NRG3: variants seen among roughly 807,000 people sequenced by gnomAD.
The protein encoded by NRG3 is pro-neuregulin-3, membrane-bound isoform.
Under a neutral mutation model 66.9 loss-of-function variants are expected in NRG3, and 31 were observed. The observed-to-expected ratio is 0.46, with a 90% CI of 0.35 to 0.63. The LOEUF (loss-of-function observed/expected upper bound fraction) is 0.63, where lower values mean the gene tolerates loss of function less well. NRG3 is among the 20% of genes least tolerant of loss of function. The probability of loss-of-function intolerance (pLI) is 0.00; values close to 1 mark genes in which losing one functional copy is unlikely to be tolerated. For missense variants in NRG3, 910 were observed against 878.9 expected, an observed-to-expected ratio of 1.04 and a Z score of -0.45; for synonymous variants, 393 against 359.4, an observed-to-expected ratio of 1.09 and a Z score of -1.06.
chr10:82,434,291 T>C (rs2136355527), intron 2 of NRG3, among the ~76,000 whole-genome samples: 1 of 152,256 alleles, frequency 6.6e-6, no homozygotes, highest in East Asian at 1.9e-4. Flanking sequence ...TTTTTGCACA[T>C]TGATTTTGTA....
intron 1 of NRG3, among the ~76,000 whole-genome samples, chr10:82,199,256 A>G (rs2133452127): frequency 6.6e-6 from 1 of 152,220 alleles, no homozygotes; most frequent in South Asian, 2.1e-4. Context: ...TCATTAATCA[A>G]TTTGTTCATT....
intron 1 of NRG3, among the ~76,000 whole-genome samples, chr10:82,205,646 C>A (rs1179509414): frequency 6.6e-6 from 1 of 152,088 alleles, no homozygotes; most frequent in Non-Finnish European, 1.5e-5. Flanking sequence ...ACAGTCTTCA[C>A]CAATAGTGGA....
intron 3 of NRG3, among the ~76,000 whole-genome samples, chr10:82,864,155 G>T (rs1293374576): frequency 6.6e-6 from 1 of 151,866 alleles, no homozygotes; most frequent in East Asian, 1.9e-4. Context: ...GGTGATGGAA[G>T]AATTTGGAAA....
intron 8 of NRG3, chr10:82,984,811 C>G (rs927653991): frequency 6.5e-7 from 1 of 1,549,506 alleles, no homozygotes; most frequent in Non-Finnish European, 8.7e-7. Context: ...TATATCCCAC[C>G]TGCCTATACA....
intron 1 of NRG3, among the ~76,000 whole-genome samples, chr10:82,132,500 T>TG (rs1564593582): frequency 6.4e-5 from 3 of 46,914 alleles, no homozygotes; most frequent in Non-Finnish European, 1.1e-4. Flanking sequence ...ATGATATATA[T>TG]ATATCATATA....
chr10:82,897,566 T>G (rs1466687635), intron 4 of NRG3, among the ~76,000 whole-genome samples: 1 of 152,188 alleles, frequency 6.6e-6, no homozygotes, highest in Non-Finnish European at 1.5e-5. Flanking sequence ...TCACCCAGGC[T>G]GAAGTGCAGT....
chr10:82,765,569 T>G (rs1301138108), intron 3 of NRG3, among the ~76,000 whole-genome samples: 2 of 152,036 alleles, frequency 1.3e-5, no homozygotes. Context: ...CCAGGAGAAG[T>G]GACAAATACC....
intron 1 of NRG3, among the ~76,000 whole-genome samples, chr10:82,008,179 A>G (rs1424573861): frequency 3.3e-5 from 5 of 152,138 alleles, no homozygotes; most frequent in African/African-American, 1.2e-4. Flanking sequence ...TTACAATCCG[A>G]TGGTTACTCT....
At chr10:82,738,695 C>A in intron 3 of NRG3, 45 bp downstream of exon 3, 1 of 1,491,078 alleles carries the variant, frequency 6.7e-7, no homozygotes, top group Non-Finnish European at 9.4e-7. Flanking sequence ...ATATAGGCAG[C>A]GTTTATTCTG....
At chr10:82,899,139 A>G (rs1307311548) in intron 4 of NRG3, among the ~76,000 whole-genome samples, 1 of 152,162 alleles carries the variant, frequency 6.6e-6, no homozygotes, top group Admixed American at 6.5e-5. Context: ...CTACAAGACC[A>G]TAGGTTCTCA....
intron 2 of NRG3, among the ~76,000 whole-genome samples, chr10:82,592,753 G>T (rs1044714692): frequency 6.6e-6 from 1 of 152,140 alleles, no homozygotes; most frequent in Non-Finnish European, 1.5e-5. Context: ...GGAAATAGAC[G>T]ATTAAATGTT....
chr10:82,686,702 T>C (rs1032210067), intron 2 of NRG3, among the ~76,000 whole-genome samples: 2 of 152,208 alleles, frequency 1.3e-5, no homozygotes, highest in Non-Finnish European at 2.9e-5. Flanking sequence ...ATGAGTGTAT[T>C]TGATGCAACA....
chr10:82,133,361 A>G (rs375781723), intron 1 of NRG3, among the ~76,000 whole-genome samples: 1 of 152,192 alleles, frequency 6.6e-6, no homozygotes, highest in East Asian at 1.9e-4. Flanking sequence ...ATCACCCAGG[A>G]ATTAAGTCCC....
chr10:82,777,492 A>G (rs1042503399), intron 3 of NRG3, among the ~76,000 whole-genome samples: 1 of 152,136 alleles, frequency 6.6e-6, no homozygotes, highest in Admixed American at 6.6e-5. Flanking sequence ...ATGCAGGTTC[A>G]TTCTCTGAGG....
At position 82,486,147 on chromosome 10, in the gene NRG3, A is replaced by T. The variant is rs182757191; in HGVS notation, c.953+127279A>T. Among the ~76,000 whole-genome samples, 461 of 152,336 alleles carry T rather than the reference A, an allele frequency of 3.0e-3. 2 individuals are homozygous for T. Among genetic ancestry groups the T allele is most frequent in the Admixed American group, 5.2e-3 (79 of 15,302 alleles). On this transcript the variant is annotated intron_variant, in intron 2 of 8. Transcript: ENST00000372141. Reference sequence around the variant, plus strand: ...GCCATTATCAAAGAAACAAACTAGCAGAAAATAACAAGTGTTGGAGAGAGG... The same window carrying T: ...GCCATTATCAAAGAAACAAACTAGCTGAAAATAACAAGTGTTGGAGAGAGG...
intron 1 of NRG3, among the ~76,000 whole-genome samples, chr10:81,882,118 T>G (rs2132481592): frequency 6.6e-6 from 1 of 152,358 alleles, no homozygotes; most frequent in African/African-American, 2.4e-5. Context: ...TAAGAACAAC[T>G]GACGTAAACA....
chr10:82,442,998 A>C (rs987666190), intron 2 of NRG3, among the ~76,000 whole-genome samples: 2 of 151,888 alleles, frequency 1.3e-5, no homozygotes, highest in African/African-American at 4.8e-5. Context: ...CAGCAGTGGA[A>C]CTTTCAATAG....
intron 1 of NRG3, among the ~76,000 whole-genome samples, chr10:81,945,937 G>A (rs1367655619): frequency 6.6e-6 from 1 of 152,096 alleles, no homozygotes; most frequent in Non-Finnish European, 1.5e-5. Flanking sequence ...GGAAACCACC[G>A]GAAGCTAGGA....
intron 2 of NRG3, among the ~76,000 whole-genome samples, chr10:82,674,847 A>G (rs547269844): frequency 2.0e-4 from 31 of 152,002 alleles, no homozygotes; most frequent in African/African-American, 7.5e-4. Flanking sequence ...TGCAGAAAAG[A>G]AAGAGTTTAA....
Sources: gnomAD v4.1 joint callset for allele counts (sites outside exome capture counted in the v4.1 genomes callset) on GRCh38, gnomAD v4.1.1 for gene constraint, MANE v1.5 for transcripts, NCBI Gene and HGNC (gene_info 2026-07-23, HGNC 2026-07-21) for gene names.